The following BCL6 variants were observed in gnomAD, a reference collection of about 807,000 sequenced individuals.
The protein encoded by BCL6 is B-cell lymphoma 6 protein.
A neutral mutation model predicts 59.5 loss-of-function variants in BCL6; 7 were observed. That is an observed-to-expected ratio of 0.12 (90% CI 0.07 to 0.22). BCL6 has a LOEUF of 0.22. BCL6 is among the 10% of genes least tolerant of loss of function. BCL6 has a pLI of 1.00. For synonymous variants in BCL6, 339 were observed against 349.7 expected (o/e 0.97, Z 0.34); for missense variants, 685 against 939.4 (o/e 0.73, Z 3.54).
In BCL6 at chr3:187,722,334, C is replaced by CCCAA; in HGVS notation, c.*123_*124insTTGG. The CCCAA allele has an allele frequency of 1.1e-6, 1 of 903,460 alleles. No individual in the cohort carries two copies. The highest frequency in any genetic ancestry group is 1.4e-6 in the Non-Finnish European group (1 of 693,928). The allele number at this position is 903,460 out of a possible 1,614,324, so 56.0% of individuals were successfully genotyped here. A position where few individuals can be genotyped will look rare whatever the true frequency, so the allele number is the denominator to read the frequency against. On this transcript the variant is annotated 3_prime_UTR_variant, in exon 10 of 10. Transcript: ENST00000406870. ...GACCCCCACCACCCCCAACCCCCAG[C>CCCAA]TATGATTTGCACTAGTGGATGAAAG...
intron 1 of BCL6, among the ~76,000 whole-genome samples, chr3:187,745,152 T>C (rs542314950): frequency 1.3e-5 from 2 of 152,124 alleles, no homozygotes; most frequent in Non-Finnish European, 1.5e-5. Context: ...ACAATCTATA[T>C]CCTATGGTGG....
intron 3 of BCL6, among the ~76,000 whole-genome samples, chr3:187,732,761 G>A (rs970524918): frequency 6.6e-6 from 1 of 152,188 alleles, no homozygotes; most frequent in Non-Finnish European, 1.5e-5. Context: ...ATAGAATGAT[G>A]CCTGGCATAT....
chr3:187,743,599 C>T (rs940673729), intron 1 of BCL6, among the ~76,000 whole-genome samples: 20 of 152,066 alleles, frequency 1.3e-4, no homozygotes, highest in Non-Finnish European at 2.6e-4. Context: ...ATTATTGCAA[C>T]ACTAGTTCCA....
Position 187,728,481 on chromosome 3 carries a change from C to T in BCL6, c.1419G>A (p.Pro473=), listed in dbSNP as rs149258247. The part of the protein sequence containing the change: ...ESHSPLYMHP[P]KCTSCGSQSP... ...ACTGAGAGCCGCAGGACGTGCACTT[C>T]GGGGGGTGCATGTAGAGTGGTGAGT... The change falls in exon 6 of 10, where the codon CCG becomes CCA. Residue 473 remains proline (P), a synonymous_variant. Transcript: ENST00000406870. The T allele has an allele frequency of 8.0e-5, 129 of 1,611,644 alleles. No homozygotes were observed. Among genetic ancestry groups the T allele is most frequent in the Non-Finnish European group, 1.0e-4 (120 of 1,179,586 alleles).
rs749366850 is a variant in BCL6 at position 187,729,432 on chromosome 3, G to A, written c.973C>T (p.Arg325Trp). ...CTCTGTGGACTAACCAGACCCTTCCGGTTCAGGGGTGCATTGGGGGGCTCG... is the reference window on the plus strand; with the variant it reads ...CTCTGTGGACTAACCAGACCCTTCCAGTTCAGGGGTGCATTGGGGGGCTCG... ...HFEPPNAPLN[R>W]KGLVSPQSPQ... The change falls in exon 5 of 10, where the codon CGG becomes TGG. Residue 325 changes from arginine (R) to tryptophan (W), a missense_variant. Arg to Trp is a moderately radical substitution (Grantham distance 101, BLOSUM62 -3). Transcript: ENST00000406870. This position sits in a 1 kb window ranked among gnomAD's most constrained non-coding sequence, Gnocchi z 5.6. 1.9e-5 allele frequency: 31 copies of A among 1,610,088 alleles called. No homozygotes were observed. The highest frequency in any genetic ancestry group is 2.5e-5 in the Non-Finnish European group (30 of 1,177,828).
intron 6 of BCL6, 43 bp downstream of exon 6, chr3:187,728,317 C>A (rs768834693): frequency 2.6e-6 from 4 of 1,514,128 alleles, no homozygotes; most frequent in Non-Finnish European, 3.6e-6. Flanking sequence ...AGCAGAGGGG[C>A]CTTCCTTCTC....
chr3:187,738,339 T>C (rs1220972914), intron 1 of BCL6, among the ~76,000 whole-genome samples: 1 of 152,184 alleles, frequency 6.6e-6, no homozygotes, highest in Non-Finnish European at 1.5e-5. Context: ...GTCTCCATCA[T>C]AGGCGCCCCA....
chr3:187,726,687 C>A lies in BCL6; in HGVS notation c.1708+44G>T, dbSNP rs774449610. 17 of 1,600,304 alleles carry A rather than the reference C, an allele frequency of 1.1e-5. No homozygotes were observed. In the Admixed American group the frequency reaches 1.5e-4, roughly 14 times the overall value. Reference sequence around the variant, plus strand: ...TCTAGGATCCTCTCCCTGTCCTGCCCCAATAATTGTGGAGAGTTCGGGTCG... The same window carrying A: ...TCTAGGATCCTCTCCCTGTCCTGCCACAATAATTGTGGAGAGTTCGGGTCG... On this transcript the variant is annotated intron_variant, in intron 7 of 9. Transcript: ENST00000406870.
chr3:187,745,003 C>T (rs181305052), intron 1 of BCL6, among the ~76,000 whole-genome samples: 11 of 152,042 alleles, frequency 7.2e-5, no homozygotes, highest in South Asian at 2.1e-4. Context: ...GTCCTCTCTG[C>T]TCCGGCCGCC....
chr3:187,744,707 G>T, intron 1 of BCL6, among the ~76,000 whole-genome samples: 1 of 152,224 alleles, frequency 6.6e-6, no homozygotes, highest in South Asian at 2.1e-4. Flanking sequence ...CGAGCGGGCA[G>T]CCTCCCTTTT....
intron 1 of BCL6, among the ~76,000 whole-genome samples, chr3:187,744,145 A>C (rs542872503): frequency 6.6e-6 from 1 of 152,286 alleles, no homozygotes; most frequent in South Asian, 2.1e-4. Context: ...AATAAAATTT[A>C]GGAAAGGGAG....
At chr3:187,722,757 G>A (rs1718487238) in intron 9 of BCL6, among the ~76,000 whole-genome samples, 156 bp from the exon 10 acceptor site, 1 of 152,218 alleles carries the variant, frequency 6.6e-6, no homozygotes, top group Admixed American at 6.5e-5. Context: ...CCGGGCTTCT[G>A]CCGACAGATA....
At chr3:187,726,690 A>G (rs759970824) in intron 7 of BCL6, 41 bp downstream of exon 7, 12 of 1,602,054 alleles carry the variant, frequency 7.5e-6, no homozygotes, top group Middle Eastern at 1.9e-4. Context: ...TCCTGCCCCA[A>G]TAATTGTGGA....
intron 1 of BCL6, among the ~76,000 whole-genome samples, chr3:187,745,183 T>C (rs568698906): frequency 1.3e-5 from 2 of 152,168 alleles, no homozygotes; most frequent in East Asian, 1.9e-4. Context: ...GGACTAATCT[T>C]CGGCATTTAT....
chr3:187,721,766 A>G lies in BCL6; in HGVS notation c.*692T>C. ...AATTGTAAACCTTCACTTGCAAAAA[A>G]ATACAAATACACTGAGGCATTTTAG... On this transcript the variant is annotated 3_prime_UTR_variant, in exon 10 of 10. Transcript: ENST00000406870. The surrounding 1 kb of genome is among the most constrained non-coding windows in gnomAD (Gnocchi z 4.2). 4.3e-6 allele frequency: 1 copy of G among 231,858 alleles called. No homozygotes were observed. Among genetic ancestry groups the G allele is most frequent in the East Asian group, 6.2e-5 (1 of 16,224 alleles). 14.4% of individuals were successfully genotyped at this position (231,858 alleles called of 1,614,324 possible).
intron 1 of BCL6, among the ~76,000 whole-genome samples, chr3:187,744,466 C>T (rs1164278832): frequency 6.6e-6 from 1 of 152,130 alleles, no homozygotes; most frequent in Non-Finnish European, 1.5e-5. Context: ...CCCCAAGCTC[C>T]CCAAAACACA....
chr3:187,721,435 G>A lies in BCL6; in HGVS notation c.*1023C>T, dbSNP rs564704619. 3.4e-3 allele frequency: 798 copies of A among 231,652 alleles called. 8 individuals are homozygous for A. Among genetic ancestry groups the A allele is most frequent in the South Asian group, 0.025 (135 of 5,510 alleles). 14.3% of individuals were successfully genotyped at this position (231,652 alleles called of 1,614,324 possible). On this transcript the variant is annotated 3_prime_UTR_variant, in exon 10 of 10. Transcript: ENST00000406870. This position sits in a 1 kb window ranked among gnomAD's most constrained non-coding sequence, Gnocchi z 4.2. ...TTGTACAGCTATATTTTACAACGCG[G>A]TAATGCAGTTTAGACACAGCCAAAC...
At chr3:187,743,180 T>C (rs1211404622) in intron 1 of BCL6, among the ~76,000 whole-genome samples, 1 of 152,094 alleles carries the variant, frequency 6.6e-6, no homozygotes, top group Admixed American at 6.5e-5. Context: ...CCCCACTTTT[T>C]TTAAAATCCA....
intron 1 of BCL6, among the ~76,000 whole-genome samples, chr3:187,740,175 T>C (rs1051040836): frequency 6.6e-6 from 1 of 152,158 alleles, no homozygotes; most frequent in African/African-American, 2.4e-5. Flanking sequence ...AAGAAAACTT[T>C]ACGGAGGAAC....
Sources: allele counts gnomAD v4.1 joint callset (sites outside exome capture counted in the v4.1 genomes callset), GRCh38; gene constraint gnomAD v4.1.1; non-coding constraint Gnocchi (gnomAD v3.1); transcripts MANE v1.5; gene names NCBI Gene and HGNC (gene_info 2026-07-23, HGNC 2026-07-21).